The following MOV10L1 variants were observed in gnomAD, a reference collection of about 807,000 sequenced individuals.
MOV10L1 encodes Mov10 like RNA helicase 1.
A neutral mutation model predicts 143.8 loss-of-function variants in MOV10L1; 110 were observed. The observed-to-expected ratio is 0.76, with a 90% CI of 0.66 to 0.90. The LOEUF is 0.90. MOV10L1 is among the 40% of genes least tolerant of loss of function. The pLI is 0.00. For synonymous variants in MOV10L1, 593 were observed against 581.1 expected, an observed-to-expected ratio of 1.02 and a Z score of -0.29; for missense variants, 1,406 against 1,526.8, an observed-to-expected ratio of 0.92 and a Z score of 1.32.
intron 15 of MOV10L1, among the ~76,000 whole-genome samples, chr22:50,137,736 ATT>A: frequency 9.0e-6 from 1 of 111,662 alleles, no homozygotes; most frequent in Non-Finnish European, 2.3e-5. Context: ...ACATATATAT[ATT>A]TTATATATAT....
At chr22:50,135,935 T>C (rs575150022) in intron 15 of MOV10L1, among the ~76,000 whole-genome samples, 1 of 152,290 alleles carries the variant, frequency 6.6e-6, no homozygotes, top group South Asian at 2.1e-4. Context: ...GCTTACAACT[T>C]ATTTTGTGCT....
At chr22:50,148,971 T>C (rs1236394736) in intron 19 of MOV10L1, among the ~76,000 whole-genome samples, 1 of 152,220 alleles carries the variant, frequency 6.6e-6, no homozygotes, top group Non-Finnish European at 1.5e-5. Flanking sequence ...ACCAACCCCA[T>C]TTTCTTAATG....
rs747554609 is a variant in MOV10L1 at position 50,134,072 on chromosome 22, C to A, written c.1969+7C>A. ...ATCCACTTAGGTGTAAAAGGTATTA[C>A]TTTTATAGAATGATAGTGTTACATC... On this transcript the variant is annotated splice_region_variant and intron_variant, in intron 14 of 26. Transcript: ENST00000262794. 6.2e-7 allele frequency: 1 copy of A among 1,602,598 alleles called. No homozygotes were observed. The highest frequency in any genetic ancestry group is 1.1e-5 in the South Asian group (1 of 88,984).
At chr22:50,094,253 C>A (rs2062530172) in intron 2 of MOV10L1, 1 of 151,998 alleles carries the variant, frequency 6.6e-6, no homozygotes, top group South Asian at 2.1e-4. Context: ...CCTTTGTATT[C>A]TTTTTATAGT....
chr22:50,120,850 C>T (rs1463130650), intron 10 of MOV10L1, among the ~76,000 whole-genome samples: 2 of 152,240 alleles, frequency 1.3e-5, no homozygotes. Flanking sequence ...CTGGGGGTCA[C>T]GCACAGGGCC....
intron 13 of MOV10L1, among the ~76,000 whole-genome samples, chr22:50,130,085 G>C (rs2062627710): frequency 6.6e-6 from 1 of 152,104 alleles, no homozygotes; most frequent in African/African-American, 2.4e-5. Context: ...AGACCAGCCT[G>C]GCCAACATGG....
rs572639226 is a variant in MOV10L1, at chr22:50,113,866, C to A, written c.884+78C>A. 1.4e-5 allele frequency: 17 copies of A among 1,258,284 alleles called. 1 individual carries two copies. In the East Asian group the frequency reaches 4.2e-4, roughly 31 times the overall value. The allele number at this position is 1,258,284 out of a possible 1,614,324, so 77.9% of individuals were successfully genotyped here. A position where few individuals can be genotyped will look rare whatever the true frequency, so the allele number is the denominator to read the frequency against. On this transcript the variant is annotated intron_variant, in intron 6 of 26. Transcript: ENST00000262794. ...CTATGACTCAATAATTTCTGTAAAA[C>A]CAACTTTACTTTGGTCATTTATTTT... is the stretch of plus-strand genomic sequence containing the variant.
chr22:50,141,003 A>G (rs148760274), intron 15 of MOV10L1, among the ~76,000 whole-genome samples: 163 of 152,338 alleles, frequency 1.1e-3, no homozygotes, highest in African/African-American at 3.9e-3. Context: ...GTTCAGGACA[A>G]ATACTACTTA....
At chr22:50,143,352 CATA>C (rs1260666442) in intron 17 of MOV10L1, 131 bp downstream of exon 17, 2 of 1,045,668 alleles carry the variant, frequency 1.9e-6, no homozygotes, top group Admixed American at 3.7e-5. Flanking sequence ...CCAGTTATTT[CATA>C]ATGTTAAGTC....
At chr22:50,141,999 G>C in intron 15 of MOV10L1, 82 bp from the exon 16 acceptor site, 1 of 1,026,042 alleles carries the variant, frequency 9.7e-7, no homozygotes, top group Non-Finnish European at 1.5e-6. Flanking sequence ...TAGAACACTA[G>C]ATGTTTACGT....
At chr22:50,134,771 G>A (rs1407235889) in intron 15 of MOV10L1, 141 bp downstream of exon 15, 9 of 690,302 alleles carry the variant, frequency 1.3e-5, no homozygotes, top group Non-Finnish European at 2.0e-5. Context: ...CAGGGGGTGG[G>A]CGTTTCCTTC....
chr22:50,154,920 G>T (rs1479850906), intron 22 of MOV10L1, among the ~76,000 whole-genome samples: 1 of 151,756 alleles, frequency 6.6e-6, no homozygotes, highest in Non-Finnish European at 1.5e-5. Flanking sequence ...TTTTATTGTT[G>T]TATTTCTTAG....
intron 9 of MOV10L1, among the ~76,000 whole-genome samples, chr22:50,119,558 C>T (rs1290248245): frequency 6.6e-6 from 1 of 151,850 alleles, no homozygotes; most frequent in African/African-American, 2.4e-5. Context: ...TCTGTTGAGG[C>T]CACATGGTTC....
chr22:50,138,371 A>G (rs559269819), intron 15 of MOV10L1, among the ~76,000 whole-genome samples: 20 of 152,156 alleles, frequency 1.3e-4, no homozygotes, highest in African/African-American at 3.1e-4. Context: ...CCTGGGCAAC[A>G]TGCAAGACCC....
chr22:50,128,406 C>T lies in MOV10L1; in HGVS notation c.1819-10C>T, dbSNP rs13055917. 0.24 allele frequency: 332,750 copies of T among 1,364,670 alleles called. 42,148 individuals carry two copies. Among genetic ancestry groups the T allele is most frequent in the Admixed American group, 0.39 (19,499 of 49,922 alleles). 84.5% of individuals were successfully genotyped at this position (1,364,670 alleles called of 1,614,324 possible). A position where few individuals can be genotyped will look rare whatever the true frequency, so the allele number is the denominator to read the frequency against. ...CAAGAAATCAGGTATATTGTTTGTT[C>T]CTTTTTTAGATTCATGAAGAAGATG... On this transcript the variant is annotated splice_polypyrimidine_tract_variant and intron_variant, in intron 12 of 26. Transcript: ENST00000262794.
At chr22:50,111,284 C>T (rs2062015149) in intron 5 of MOV10L1, among the ~76,000 whole-genome samples, 1 of 151,910 alleles carries the variant, frequency 6.6e-6, no homozygotes, top group Non-Finnish European at 1.5e-5. Flanking sequence ...TACACATTTG[C>T]AAGAGGAAAG....
intron 10 of MOV10L1, among the ~76,000 whole-genome samples, chr22:50,124,106 T>C (rs2062427895): frequency 6.6e-6 from 1 of 152,186 alleles, no homozygotes; most frequent in South Asian, 2.1e-4. Context: ...GTTTTCTGTA[T>C]TGTTTTTCAG....
chr22:50,108,377 A>G (rs747532288), intron 4 of MOV10L1, 129 bp downstream of exon 4: 1 of 898,758 alleles, frequency 1.1e-6, no homozygotes, highest in Non-Finnish European at 1.8e-6. Context: ...ATGGCCAAAG[A>G]GGAGTGTGTT....
intron 15 of MOV10L1, among the ~76,000 whole-genome samples, chr22:50,138,471 TC>T (rs2062893721): frequency 6.6e-6 from 1 of 151,482 alleles, no homozygotes; most frequent in Admixed American, 6.6e-5. Context: ...GGCAAGAGGA[TC>T]CCTTGAGCCT....
Sources: allele counts gnomAD v4.1 joint callset (sites outside exome capture counted in the v4.1 genomes callset), GRCh38; gene constraint gnomAD v4.1.1; transcripts MANE v1.5; gene names NCBI Gene and HGNC (gene_info 2026-07-23, HGNC 2026-07-21).